The following CSMD1 variants were observed in gnomAD, a reference collection of about 807,000 sequenced individuals.
CSMD1 encodes CUB and sushi domain-containing protein 1.
A neutral mutation model predicts 417.5 loss-of-function variants in CSMD1; 213 were observed. The observed-to-expected ratio is 0.51, with a 90% CI of 0.46 to 0.57. CSMD1 has a LOEUF of 0.57. Among genes scored for constraint, CSMD1 ranks in the 20% least tolerant of loss-of-function variants. The pLI, the probability that CSMD1 is intolerant of heterozygous loss-of-function variation, is 0.00. For missense variants in CSMD1, 6,923 were observed against 4,529.7 expected (o/e 1.53, Z -15.17); for synonymous variants, 2,862 against 1,736.8 (o/e 1.65, Z -16.11).
At chr8:4,355,771 A>T (rs3990909) in intron 3 of CSMD1, among the ~76,000 whole-genome samples, 1 of 152,066 alleles carries the variant, frequency 6.6e-6, no homozygotes, top group African/African-American at 2.4e-5. Context: ...CTCCAGTGTC[A>T]TTCATGGGTA....
rs1797479459 is a variant in CSMD1 at position 4,787,693 on chromosome 8, T to C, written c.86-150135A>G. Reference sequence around the variant, plus strand: ...ATAAGTTTACCCACCTAAAGTGGAGTTGTTTTTCAAGGATGCTGCCAATAA... The same window carrying C: ...ATAAGTTTACCCACCTAAAGTGGAGCTGTTTTTCAAGGATGCTGCCAATAA... On this transcript the variant is annotated intron_variant, in intron 1 of 69. Transcript: ENST00000635120. 6.3e-6 allele frequency: 10 copies of C among 1,591,430 alleles called. No individual in the cohort carries two copies. In the South Asian group the frequency reaches 7.7e-5, roughly 12 times the overall value.
chr8:3,713,267 G>A (rs1401867261), intron 6 of CSMD1, among the ~76,000 whole-genome samples: 1 of 152,102 alleles, frequency 6.6e-6, no homozygotes, highest in African/African-American at 2.4e-5. Context: ...ATCTCTAAGT[G>A]GTTAGGTTAA....
intron 1 of CSMD1, among the ~76,000 whole-genome samples, chr8:4,790,064 G>A (rs1254298595): frequency 6.6e-6 from 1 of 152,162 alleles, no homozygotes; most frequent in African/African-American, 2.4e-5. Flanking sequence ...AATTCTAGGA[G>A]GAAAACATTC....
At chr8:4,974,166 G>A (rs559691294) in intron 1 of CSMD1, among the ~76,000 whole-genome samples, 1 of 149,228 alleles carries the variant, frequency 6.7e-6, no homozygotes, top group East Asian at 2.0e-4. Flanking sequence ...ACAGGCACAT[G>A]CCACCACACC....
At chr8:4,109,864 A>C (rs1801761317) in intron 3 of CSMD1, among the ~76,000 whole-genome samples, 1 of 152,174 alleles carries the variant, frequency 6.6e-6, no homozygotes, top group African/African-American at 2.4e-5. Context: ...GAGGTCCAAG[A>C]CAGTCATTGT....
chr8:3,791,654 T>G (rs1019876904), intron 5 of CSMD1, among the ~76,000 whole-genome samples: 2 of 151,952 alleles, frequency 1.3e-5, no homozygotes, highest in African/African-American at 4.8e-5. Flanking sequence ...CAAAAACCCA[T>G]CTCTAGAAAA....
At chr8:3,997,330 T>C (rs968738872) in intron 5 of CSMD1, among the ~76,000 whole-genome samples, 5 of 152,178 alleles carry the variant, frequency 3.3e-5, no homozygotes, top group Non-Finnish European at 5.9e-5. Context: ...TTTTCCTTTG[T>C]CTCTACTGGG....
intron 5 of CSMD1, among the ~76,000 whole-genome samples, chr8:3,849,493 A>C (rs1307839880): frequency 1.3e-5 from 2 of 152,186 alleles, no homozygotes; most frequent in Non-Finnish European, 2.9e-5. Flanking sequence ...GAATCCATCA[A>C]ATAAATGAGT....
chr8:3,948,876 C>G (rs1287889861), intron 5 of CSMD1, among the ~76,000 whole-genome samples: 2 of 151,684 alleles, frequency 1.3e-5, no homozygotes, highest in African/African-American at 2.4e-5. Flanking sequence ...TATTCAGAAA[C>G]TAACAAAAAA....
intron 27 of CSMD1, among the ~76,000 whole-genome samples, chr8:3,228,995 G>A (rs1018800839): frequency 2.6e-5 from 4 of 152,182 alleles, no homozygotes; most frequent in African/African-American, 4.8e-5. Context: ...ATTGCTCCCC[G>A]ACAAGGCTGA....
At chr8:3,090,181 G>A (rs1814838882) in intron 48 of CSMD1, among the ~76,000 whole-genome samples, 1 of 152,004 alleles carries the variant, frequency 6.6e-6, no homozygotes, top group Non-Finnish European at 1.5e-5. Flanking sequence ...GCCGGGCGCG[G>A]TGGCGGGCGC....
At chr8:3,563,477 A>G (rs1450885102) in intron 10 of CSMD1, among the ~76,000 whole-genome samples, 3 of 150,948 alleles carry the variant, frequency 2.0e-5, no homozygotes, top group African/African-American at 7.3e-5. Flanking sequence ...ACCACATCTA[A>G]GACCTGTAAA....
chr8:2,971,117 C>G (rs1182247658), intron 57 of CSMD1, among the ~76,000 whole-genome samples: 1 of 152,142 alleles, frequency 6.6e-6, no homozygotes, highest in East Asian at 1.9e-4. Flanking sequence ...AACCATAATA[C>G]AATTATTAAA....
intron 3 of CSMD1, among the ~76,000 whole-genome samples, chr8:4,172,445 A>G (rs1168707644): frequency 6.6e-6 from 1 of 152,146 alleles, no homozygotes; most frequent in Admixed American, 6.5e-5. Flanking sequence ...TAGGTTTCCC[A>G]GGTGTTGTGT....
intron 5 of CSMD1, among the ~76,000 whole-genome samples, chr8:3,786,455 A>C (rs1323056120): frequency 6.6e-6 from 1 of 152,108 alleles, no homozygotes; most frequent in Admixed American, 6.6e-5. Context: ...TAAAGCCATA[A>C]ATAAGGGGAA....
intron 1 of CSMD1, among the ~76,000 whole-genome samples, chr8:4,916,764 A>C (rs950598815): frequency 6.6e-6 from 1 of 152,256 alleles, no homozygotes; most frequent in African/African-American, 2.4e-5. Flanking sequence ...TCATATTTTA[A>C]CAAAGTGACA....
chr8:3,193,759 C>G (rs900748514), intron 33 of CSMD1, among the ~76,000 whole-genome samples: 2 of 152,168 alleles, frequency 1.3e-5, no homozygotes, highest in African/African-American at 4.8e-5. Context: ...ACGCTCTCCT[C>G]TGGGGCTTTG....
At chr8:4,089,180 C>G (rs988142542) in intron 3 of CSMD1, among the ~76,000 whole-genome samples, 2 of 152,186 alleles carry the variant, frequency 1.3e-5, no homozygotes, top group African/African-American at 4.8e-5. Context: ...TTTATGGTGA[C>G]AATCTGTTTG....
chr8:3,637,573 T>C (rs1210498394), intron 7 of CSMD1, among the ~76,000 whole-genome samples: 3 of 152,224 alleles, frequency 2.0e-5, no homozygotes, highest in Non-Finnish European at 4.4e-5. Flanking sequence ...TTTAATACTT[T>C]AGTAAAATAT....
Sources: gnomAD v4.1 joint callset for allele counts (sites outside exome capture counted in the v4.1 genomes callset) on GRCh38, gnomAD v4.1.1 for gene constraint, MANE v1.5 for transcripts, NCBI Gene and HGNC (gene_info 2026-07-23, HGNC 2026-07-21) for gene names.